NPC1L1: variants seen among roughly 807,000 people sequenced by gnomAD.
NPC1L1 encodes the protein NPC1-like intracellular cholesterol transporter 1.
Under a neutral mutation model 117.0 loss-of-function variants are expected in NPC1L1, and 98 were observed. The ratio of observed to expected loss-of-function variants is 0.84; its 90% CI spans 0.71 to 0.99. The LOEUF (loss-of-function observed/expected upper bound fraction) is 0.99, where lower values mean the gene tolerates loss of function less well. NPC1L1 is among the 50% of genes least tolerant of loss of function. The pLI is 0.00. For synonymous variants in NPC1L1, 729 were observed against 727.6 expected (o/e 1.00, Z -0.03); for missense variants, 1,540 against 1,710.0 (o/e 0.90, Z 1.75).
chr7:44,531,777 TCCAGTCCCAC>T lies in NPC1L1; in HGVS notation c.2605_2614del (p.Val869ThrfsTer19). 1 of 1,583,138 alleles carries T rather than the reference TCCAGTCCCAC, an allele frequency of 6.3e-7. No individual in the cohort carries two copies. The highest frequency in any genetic ancestry group is 8.6e-7 in the Non-Finnish European group (1 of 1,164,926). On this transcript the variant is annotated frameshift_variant, in exon 10 of 19. Coordinates refer to ENST00000381160, the MANE Select transcript of NPC1L1 (RefSeq NM_001101648.2). LOFTEE classifies it high-confidence loss of function. Reference sequence around the variant, plus strand: ...CACCTTGGGCAGGGCCAGCTCCTGGTCCAGTCCCACGCTGATGTGGCACATGGAGTAGAGG... The same window carrying T: ...CACCTTGGGCAGGGCCAGCTCCTGGTGCTGATGTGGCACATGGAGTAGAGG...
rs1010004176 is a variant in NPC1L1 at position 44,539,305 on chromosome 7, C to T, written c.1092G>A (p.Val364=). Residue 364 remains valine, a synonymous_variant, in exon 2 of 19, where the codon GTG becomes GTA. Coordinates refer to ENST00000381160, the MANE Select transcript of NPC1L1 (RefSeq NM_001101648.2). This position sits in a 1 kb window ranked among gnomAD's most constrained non-coding sequence, Gnocchi z 4.4. ...TILVLSVIPV[V]ALAAGLVFTE... is the part of the protein sequence containing the mutation. The stretch of plus-strand genomic sequence containing the variant: ...TAAAGACCAGGCCCGCTGCCAAGGC[C>T]ACCACCGGGATGACAGATAGCACCA... 1.2e-6 allele frequency: 2 copies of T among 1,613,912 alleles called. No homozygotes were observed. Among genetic ancestry groups the T allele is most frequent in the Admixed American group, 3.3e-5 (2 of 59,998 alleles).
intron 5 of NPC1L1, among the ~76,000 whole-genome samples, chr7:44,535,020 G>T (rs571928173): frequency 5.8e-4 from 88 of 152,224 alleles, no homozygotes; most frequent in Non-Finnish European, 1.1e-3. Flanking sequence ...AATCACTTGA[G>T]CCCAGGAGTT....
chr7:44,523,956 C>G lies in NPC1L1; in HGVS notation c.2638-1714G>C, dbSNP rs217419. Among the ~76,000 whole-genome samples the G allele has an allele frequency of 6.1e-3, 922 of 152,130 alleles. 31 individuals carry two copies. The highest frequency in any genetic ancestry group is 0.051 in the Admixed American group (773 of 15,272). ...GATATTGGTGGTACAGATACACAGG[C>G]AGGCAGCCACTAATGCAACTCCCAC... On this transcript the variant is annotated intron_variant, in intron 10 of 18. Coordinates refer to ENST00000381160, the MANE Select transcript of NPC1L1 (RefSeq NM_001101648.2).
In NPC1L1 at chr7:44,534,432, C is replaced by T; in HGVS notation, c.2166+15G>A. The stretch of plus-strand genomic sequence containing the variant: ...AGTGGGCAGTTGGGGGTGTGGAGAG[C>T]TCCTCCCTTCTTACCTGGTACTCGA... On this transcript the variant is annotated intron_variant, in intron 6 of 18. Coordinates refer to ENST00000381160, the MANE Select transcript of NPC1L1 (RefSeq NM_001101648.2). This position sits in a 1 kb window ranked among gnomAD's most constrained non-coding sequence, Gnocchi z 5.2. 1 of 1,613,748 alleles carries T rather than the reference C, an allele frequency of 6.2e-7. No individual in the cohort carries two copies. The highest frequency in any genetic ancestry group is 8.5e-7 in the Non-Finnish European group (1 of 1,179,710).
At chr7:44,535,140 C>T (rs577118761) in intron 5 of NPC1L1, among the ~76,000 whole-genome samples, 1 of 151,996 alleles carries the variant, frequency 6.6e-6, no homozygotes, top group Admixed American at 6.6e-5. Flanking sequence ...TTTGGGTGGG[C>T]GGATCACCTG....
rs571719624 is a variant in NPC1L1, at chr7:44,529,472, A to G, written c.2637+2283T>C. On this transcript the variant is annotated intron_variant, in intron 10 of 18. Transcript: ENST00000381160. ...CAGTTTACCACAACCTCTGCCTCCC[A>G]GGTTCAAGTGATTCTCCTGCCTCAG... 6.6e-5 allele frequency among the ~76,000 whole-genome samples: 10 copies of G among 150,864 alleles called. 1 individual carries two copies. In the South Asian group the frequency reaches 1.5e-3, roughly 22 times the overall value.
Position 44,539,187 on chromosome 7 carries a change from A to T in NPC1L1, c.1210T>A (p.Phe404Ile). The change falls in exon 2 of 19, where the codon TTC (phenylalanine) becomes ATC (isoleucine). Residue 404 changes from phenylalanine to isoleucine, a missense_variant. By Grantham distance (21) the Phe-to-Ile change is conservative (BLOSUM62 0). This residue lies in a region of NPC1L1 where 793 missense variants were observed against 820.4 expected (regional missense o/e 0.97). Coordinates refer to ENST00000381160, the MANE Select transcript of NPC1L1 (RefSeq NM_001101648.2). This position sits in a 1 kb window ranked among gnomAD's most constrained non-coding sequence, Gnocchi z 4.4. ...AGGATCACCTGGTTGGTTCGGAAGA[A>T]GGGGCCGAAATGCTGGTCATGGAAA... The part of the protein sequence containing the change: ...KAFHDQHFGP[F>I]FRTNQVILTA... 4 of 1,614,118 alleles carry T rather than the reference A, an allele frequency of 2.5e-6. No individual in the cohort carries two copies. The highest frequency in any genetic ancestry group is 3.4e-6 in the Non-Finnish European group (4 of 1,180,030).
In NPC1L1 at chr7:44,538,924, C is replaced by T; in HGVS notation, c.1473G>A (p.Leu491=). The change falls in exon 2 of 19, where the codon CTG becomes CTA. Residue 491 remains leucine (L), a synonymous_variant. Coordinates refer to ENST00000381160, the MANE Select transcript of NPC1L1 (RefSeq NM_001101648.2). This position sits in a 1 kb window ranked among gnomAD's most constrained non-coding sequence, Gnocchi z 5.9. Reference sequence around the variant, plus strand: ...GCGTGCGGTTGTTCTGGAAATACTGCAGGAGGCTGTTGATGCAGCAGTCGT... The same window carrying T: ...GCGTGCGGTTGTTCTGGAAATACTGTAGGAGGCTGTTGATGCAGCAGTCGT... ...SLYDCCINSL[L]QYFQNNRTLL... is the part of the protein sequence containing the mutation. 6.2e-7 allele frequency: 1 copy of T among 1,614,216 alleles called. No individual in the cohort carries two copies. The highest frequency in any genetic ancestry group is 2.2e-5 in the East Asian group (1 of 44,888).
At chr7:44,516,300 C>A in intron 16 of NPC1L1, 103 bp from the exon 17 acceptor site, 1 of 974,766 alleles carries the variant, frequency 1.0e-6, no homozygotes, top group South Asian at 1.4e-5. Context: ...CATCTAGATT[C>A]TAGACAGAAC....
chr7:44,538,714 G>C lies in NPC1L1; in HGVS notation c.1580+103C>G. Reference sequence around the variant, plus strand: ...AGAGCCGTAGGAATAGCTACCTCTGGTCCTTCAGGACCAGCTGTATGCCCG... The same window carrying C: ...AGAGCCGTAGGAATAGCTACCTCTGCTCCTTCAGGACCAGCTGTATGCCCG... On this transcript the variant is annotated intron_variant, in intron 2 of 18. Transcript: ENST00000381160. This position sits in a 1 kb window ranked among gnomAD's most constrained non-coding sequence, Gnocchi z 5.9. The C allele has an allele frequency of 8.6e-7, 1 of 1,168,182 alleles. No individual in the cohort carries two copies. Among genetic ancestry groups the C allele is most frequent in the Non-Finnish European group, 1.3e-6 (1 of 783,290 alleles). 72.4% of individuals were successfully genotyped at this position (1,168,182 alleles called of 1,614,324 possible).
In NPC1L1 at chr7:44,532,233, C is replaced by T. The variant is rs774768014; in HGVS notation, c.2410-16G>A. Reference sequence around the variant, plus strand: ...ACCGGGAGGCCTGGAGTGGGAGGCACCCCCTCAAGGTAGTCCCAGAGCAGA... The same window carrying T: ...ACCGGGAGGCCTGGAGTGGGAGGCATCCCCTCAAGGTAGTCCCAGAGCAGA... On this transcript the variant is annotated splice_polypyrimidine_tract_variant and intron_variant, in intron 8 of 18. Transcript: ENST00000381160. The T allele has an allele frequency of 1.9e-6, 3 of 1,612,780 alleles. No homozygotes were observed. Among genetic ancestry groups the T allele is most frequent in the Non-Finnish European group, 2.5e-6 (3 of 1,179,862 alleles).
chr7:44,513,753 G>C, intron 18 of NPC1L1, 104 bp from the exon 19 acceptor site: 1 of 1,287,018 alleles, frequency 7.8e-7, no homozygotes, highest in South Asian at 1.2e-5. Flanking sequence ...AGGGTCCCAG[G>C]GGGGATCTGT....
Position 44,536,880 on chromosome 7 carries a change from G to T in NPC1L1, c.1643C>A (p.Ala548Asp). Residue 548 changes from alanine to aspartate, a missense_variant, in exon 3 of 19, where the codon GCC becomes GAC. Physicochemically the swap from Ala to Asp is moderately radical, Grantham distance 126. Transcript: ENST00000381160. The surrounding 1 kb of genome is among the most constrained non-coding windows in gnomAD (Gnocchi z 4.7). ...AATGGCAAGGAAGGGGAAGACAGGG[G>T]CCCCGTAGTCAGCCATGCAGCTCAG... ...LALSCMADYG[A>D]PVFPFLAIGG... The T allele has an allele frequency of 3.7e-6, 6 of 1,614,176 alleles. No homozygotes were observed. Among genetic ancestry groups the T allele is most frequent in the South Asian group, 1.1e-5 (1 of 91,088 alleles).
At position 44,539,396 on chromosome 7, in the gene NPC1L1, T is replaced by C. The variant is rs115733785; in HGVS notation, c.1001A>G (p.His334Arg). ...CTGGAAGAACTGGCCAAGGAGGGTG[T>C]GGGTGGAGAAGCTGAGCTTGTCAGA... ...SLSDKLSFST[H>R]TLLGQFFQGW... Residue 334 changes from histidine (H) to arginine (R), a missense_variant, in exon 2 of 19, where the codon CAC becomes CGC. Transcript: ENST00000381160. The surrounding 1 kb of genome is among the most constrained non-coding windows in gnomAD (Gnocchi z 4.4). 6.2e-7 allele frequency: 1 copy of C among 1,613,694 alleles called. No individual in the cohort carries two copies. The highest frequency in any genetic ancestry group is 1.1e-5 in the South Asian group (1 of 91,074).
intron 14 of NPC1L1, among the ~76,000 whole-genome samples, chr7:44,519,891 AAC>A (rs1184567886): frequency 6.6e-6 from 1 of 150,992 alleles, no homozygotes; most frequent in Non-Finnish European, 1.5e-5. Context: ...CTACAGCCTC[AAC>A]CTCCCAGACT....
rs79803700 is a variant in NPC1L1 at position 44,539,469 on chromosome 7, C to A, written c.928G>T (p.Ala310Ser). ...TCCACCATCTTGCTTTTGTCCCTGG[C>A]GGGGGCCACACGGAATCCCACAAGC... ...ILLVGFRVAP[A>S]RDKSKMVDPK... The change falls in exon 2 of 19, where the codon GCC becomes TCC. Residue 310 changes from alanine to serine, a missense_variant. This residue lies in a region of NPC1L1 where 793 missense variants were observed against 820.4 expected (regional missense o/e 0.97). Transcript: ENST00000381160. The surrounding 1 kb of genome is among the most constrained non-coding windows in gnomAD (Gnocchi z 4.4). 4,070 of 1,613,968 alleles carry A rather than the reference C, an allele frequency of 2.5e-3. 89 individuals are homozygous for A. The African/African-American group carries it at 0.048, about 19-fold the overall frequency.
chr7:44,533,183 A>G (rs1801756473), intron 8 of NPC1L1: 1 of 423,016 alleles, frequency 2.4e-6, no homozygotes, highest in Non-Finnish European at 4.4e-6. Context: ...TTCAAGGGTC[A>G]ACTGTATTTT....
intron 1 of NPC1L1, among the ~76,000 whole-genome samples, chr7:44,540,993 C>T (rs1405726063): frequency 1.3e-5 from 2 of 152,114 alleles, no homozygotes; most frequent in African/African-American, 4.8e-5. Flanking sequence ...CCTCTTTCAC[C>T]CCTGTGTGCA....
intron 1 of NPC1L1, among the ~76,000 whole-genome samples, chr7:44,540,994 C>T (rs541313959): frequency 9.2e-5 from 14 of 152,196 alleles, no homozygotes; most frequent in African/African-American, 3.4e-4. Context: ...CTCTTTCACC[C>T]CTGTGTGCAT....
Sources: allele counts gnomAD v4.1 joint callset (sites outside exome capture counted in the v4.1 genomes callset), GRCh38; gene constraint gnomAD v4.1.1; regional missense constraint gnomAD v4.1.1; non-coding constraint Gnocchi (gnomAD v3.1); transcripts MANE v1.5; gene names NCBI Gene and HGNC (gene_info 2026-07-23, HGNC 2026-07-21).